Variants in FXR2 observed in about 807,000 individuals in gnomAD.
FXR2 encodes RNA-binding protein FXR2.
In FXR2, 9 loss-of-function variants were observed where a neutral mutation model predicts 87.3. That is an observed-to-expected ratio of 0.10 (90% CI 0.06 to 0.18). The LOEUF (loss-of-function observed/expected upper bound fraction) is 0.18, where lower values mean the gene tolerates loss of function less well. Ranked by LOEUF, FXR2 falls within the 10% of genes least tolerant of loss-of-function variation. The pLI is 1.00. For missense variants in FXR2, 661 were observed against 893.6 expected (o/e 0.74, Z 3.32); for synonymous variants, 331 against 328.3 (o/e 1.01, Z -0.09).
intron 1 of FXR2, among the ~76,000 whole-genome samples, chr17:7,612,913 G>A (rs999733294): frequency 2.0e-5 from 3 of 147,868 alleles, no homozygotes; most frequent in African/African-American, 7.5e-5. Context: ...GGAGAATGGC[G>A]CGAACCAGGG....
rs1349611525 is a variant in FXR2 at position 7,594,151 on chromosome 17, C to T, written c.1020+87G>A. On this transcript the variant is annotated intron_variant, in intron 10 of 16. Coordinates refer to ENST00000250113, the MANE Select transcript of FXR2 (RefSeq NM_004860.4). This position sits in a 1 kb window ranked among gnomAD's most constrained non-coding sequence, Gnocchi z 5.1. ...GTTAAACAACTTTCCGTACTCCACC[C>T]TCTCAAAGAACAATCCCAGCCCTCA... The T allele has an allele frequency of 4.3e-6, 4 of 923,752 alleles. No individual in the cohort carries two copies. Among genetic ancestry groups the T allele is most frequent in the East Asian group, 2.5e-5 (1 of 40,016 alleles). 57.2% of individuals were successfully genotyped at this position (923,752 alleles called of 1,614,324 possible). A position where few individuals can be genotyped will look rare whatever the true frequency, so the allele number is the denominator to read the frequency against.
Position 7,593,580 on chromosome 17 carries a change from G to T in FXR2, c.1153C>A (p.Leu385Ile). The T allele has an allele frequency of 6.3e-7, 1 of 1,598,400 alleles. No homozygotes were observed. Among genetic ancestry groups the T allele is most frequent in the Non-Finnish European group, 8.5e-7 (1 of 1,173,778 alleles). ...RLERLQIDEQLRQIGLGFRPP... is the reference protein window; with the variant it reads ...RLERLQIDEQIRQIGLGFRPP... Reference sequence around the variant, plus strand: ...CGAAAGCCCAGCCCAATCTGCCGAAGCTGCTCATCAATTTGTAGCCTCTCC... The same window carrying T: ...CGAAAGCCCAGCCCAATCTGCCGAATCTGCTCATCAATTTGTAGCCTCTCC... Residue 385 changes from leucine to isoleucine, a missense_variant, in exon 12 of 17, where the codon CTT becomes ATT. Coordinates refer to ENST00000250113, the MANE Select transcript of FXR2 (RefSeq NM_004860.4). This position sits in a 1 kb window ranked among gnomAD's most constrained non-coding sequence, Gnocchi z 6.1.
chr17:7,603,762 T>A lies in FXR2; in HGVS notation c.444A>T (p.Arg148Ser). 1.2e-6 allele frequency: 2 copies of A among 1,613,838 alleles called. No individual in the cohort carries two copies. Among genetic ancestry groups the A allele is most frequent in the Non-Finnish European group, 1.7e-6 (2 of 1,179,812 alleles). The change falls in exon 5 of 17, where the codon AGA becomes AGT. Residue 148 changes from arginine to serine, a missense_variant. Physicochemically the swap from Arg to Ser is moderately radical, Grantham distance 110 (BLOSUM62 -1). Coordinates refer to ENST00000250113, the MANE Select transcript of FXR2 (RefSeq NM_004860.4). ...KVTMAVPEDLREACSNENVHK... is the reference protein window; with the variant it reads ...KVTMAVPEDLSEACSNENVHK... ...CCACCATCCTTAACACTCACGCTTCTCTCAGATCCTCGGGCACAGCCATGG... is the reference window on the plus strand; with the variant it reads ...CCACCATCCTTAACACTCACGCTTCACTCAGATCCTCGGGCACAGCCATGG...
intron 1 of FXR2, among the ~76,000 whole-genome samples, chr17:7,611,396 G>A (rs1316689100): frequency 1.3e-5 from 2 of 152,202 alleles, no homozygotes; most frequent in East Asian, 1.9e-4. Context: ...GGGAGGGCGT[G>A]GTGGCTCACG....
At chr17:7,603,651 G>C in intron 5 of FXR2, 106 bp downstream of exon 5, 1 of 1,051,240 alleles carries the variant, frequency 9.5e-7, no homozygotes, top group Non-Finnish European at 1.4e-6. Context: ...AGAGGGCCAG[G>C]GGAACAACAG....
rs1261569191 is a variant in FXR2 at position 7,614,843 on chromosome 17, T to G, written c.-311A>C. 6.1e-6 allele frequency: 1 copy of G among 164,128 alleles called. No individual in the cohort carries two copies. Among genetic ancestry groups the G allele is most frequent in the Non-Finnish European group, 1.3e-5 (1 of 76,124 alleles). 10.2% of individuals were successfully genotyped at this position (164,128 alleles called of 1,614,324 possible). ...CTGCTGCCTCAGTCCCGGGACCCGCTGCTGCCGCTGCCGCTCCACAGCCTC... is the reference window on the plus strand; with the variant it reads ...CTGCTGCCTCAGTCCCGGGACCCGCGGCTGCCGCTGCCGCTCCACAGCCTC... On this transcript the variant is annotated 5_prime_UTR_variant, in exon 1 of 17. Transcript: ENST00000250113.
Position 7,613,869 on chromosome 17 carries a change from C to T in FXR2, c.81+583G>A, listed in dbSNP as rs562453926. The T allele has an allele frequency of 2.8e-5, 10 of 360,682 alleles. No homozygotes were observed. In the East Asian group the frequency reaches 7.4e-4, roughly 27 times the overall value. 22.3% of individuals were successfully genotyped at this position (360,682 alleles called of 1,614,324 possible). ...CTGGGAAGCAACTTGACTGATCCAA[C>T]CCAGGGTTCCTGAGGTCAAAGATGC... On this transcript the variant is annotated intron_variant, in intron 1 of 16. Transcript: ENST00000250113.
At chr17:7,609,933 T>TACATATACATACATGTATATGTATAC (rs1410866188) in intron 1 of FXR2, among the ~76,000 whole-genome samples, 1 of 103,956 alleles carries the variant, frequency 9.6e-6, no homozygotes, top group Non-Finnish European at 2.0e-5. Flanking sequence ...TGTATATGTA[T>TACATATACATACATGTATATGTATAC]ATATATACAT....
At chr17:7,601,180 CAA>C (rs35065111) in intron 7 of FXR2, among the ~76,000 whole-genome samples, 43 of 79,324 alleles carry the variant, frequency 5.4e-4, no homozygotes, top group African/African-American at 6.8e-4. Flanking sequence ...CTCTGTCTCC[CAA>C]AAAAAAAAAA....
intron 7 of FXR2, among the ~76,000 whole-genome samples, chr17:7,600,937 T>G (rs1467048004): frequency 6.6e-6 from 1 of 151,640 alleles, no homozygotes; most frequent in Non-Finnish European, 1.5e-5. Flanking sequence ...CCCAGCACTT[T>G]GGGAGGCTGA....
At position 7,593,921 on chromosome 17, in the gene FXR2, C is replaced by G. The variant is rs1479109777; in HGVS notation, c.1104G>C (p.Leu368=). The stretch of plus-strand genomic sequence containing the variant: ...TTTTCTCTCCCGGCCTGGGTACCTG[C>G]AGGTAGGAGAGGTGATACTCCAGCA... ...QALLEYHLSY[L]QEVEQLRLER... The change falls in exon 11 of 17, where the codon CTG becomes CTC. Residue 368 remains leucine, a synonymous_variant. Transcript: ENST00000250113. This position sits in a 1 kb window ranked among gnomAD's most constrained non-coding sequence, Gnocchi z 6.1. The G allele has an allele frequency of 6.3e-7, 1 of 1,597,110 alleles. No homozygotes were observed. The highest frequency in any genetic ancestry group is 2.2e-5 in the East Asian group (1 of 44,822).
rs2071779774 is a variant in FXR2 at position 7,603,819 on chromosome 17, G to A, written c.387C>T (p.Pro129=). ...TGAAGAAGCTGCCTTTGGTTGCAAG[G>A]GGATTGGGATTAACTGGCCGAAGTC... ...LERLRPVNPN[P]LATKGSFFKV... Residue 129 remains proline, a synonymous_variant, in exon 5 of 17, where the codon CCC becomes CCT. Coordinates refer to ENST00000250113, the MANE Select transcript of FXR2 (RefSeq NM_004860.4). 6.2e-7 allele frequency: 1 copy of A among 1,613,818 alleles called. No homozygotes were observed. Among genetic ancestry groups the A allele is most frequent in the South Asian group, 1.1e-5 (1 of 91,082 alleles).
chr17:7,596,021 C>G, intron 7 of FXR2, 27 bp from the exon 8 acceptor site: 7 of 1,589,922 alleles, frequency 4.4e-6, no homozygotes, highest in Non-Finnish European at 6.0e-6. Context: ...CTGTAGGAAT[C>G]ATGGTGGTAG....
chr17:7,601,841 C>T (rs1334679766), intron 6 of FXR2, among the ~76,000 whole-genome samples: 2 of 151,910 alleles, frequency 1.3e-5, no homozygotes, highest in Non-Finnish European at 2.9e-5. Context: ...GCAGGAGAAT[C>T]GCTTGAACCC....
At chr17:7,608,561 T>C (rs976288605) in intron 1 of FXR2, among the ~76,000 whole-genome samples, 4 of 150,334 alleles carry the variant, frequency 2.7e-5, no homozygotes, top group African/African-American at 9.8e-5. Flanking sequence ...GAGACTGCAG[T>C]CAGTCAAGAT....
chr17:7,593,362 G>T lies in FXR2; in HGVS notation c.1330+41C>A. ...TCCAGACCTCTGCCTCTACCCACAA[G>T]CCCTGCCACTCCTTGCCTCCTGTTC... On this transcript the variant is annotated intron_variant, in intron 12 of 16. Transcript: ENST00000250113. This position sits in a 1 kb window ranked among gnomAD's most constrained non-coding sequence, Gnocchi z 6.1. The T allele has an allele frequency of 6.9e-7, 1 of 1,449,032 alleles. No homozygotes were observed. The highest frequency in any genetic ancestry group is 9.5e-7 in the Non-Finnish European group (1 of 1,056,774). 89.8% of individuals were successfully genotyped at this position (1,449,032 alleles called of 1,614,324 possible). A position where few individuals can be genotyped will look rare whatever the true frequency, so the allele number is the denominator to read the frequency against.
chr17:7,613,759 C>G (rs1434778040), intron 1 of FXR2, among the ~76,000 whole-genome samples: 1 of 152,148 alleles, frequency 6.6e-6, no homozygotes, highest in Non-Finnish European at 1.5e-5. Context: ...CAAATCCATT[C>G]CTGAGTAGAA....
At chr17:7,605,879 T>C in intron 2 of FXR2, 141 bp from the exon 3 acceptor site, 2 of 661,610 alleles carry the variant, frequency 3.0e-6, no homozygotes, top group South Asian at 3.6e-5. Flanking sequence ...TGCTCCATAG[T>C]AGTGTCTTCC....
At chr17:7,601,327 A>C in intron 7 of FXR2, 82 bp downstream of exon 7, 1 of 823,780 alleles carries the variant, frequency 1.2e-6, no homozygotes, top group African/African-American at 1.7e-5. Flanking sequence ...TGTTCTGTAA[A>C]CACAAGATCA....
Sources: gnomAD v4.1 joint callset for allele counts (sites outside exome capture counted in the v4.1 genomes callset) on GRCh38, gnomAD v4.1.1 for gene constraint, Gnocchi (gnomAD v3.1) non-coding constraint, MANE v1.5 for transcripts, NCBI Gene and HGNC (gene_info 2026-07-23, HGNC 2026-07-21) for gene names.